The following DDC variants were observed in gnomAD, a reference collection of about 807,000 sequenced individuals.
DDC encodes the protein dopa decarboxylase.
Under a neutral mutation model 60.0 loss-of-function variants are expected in DDC, and 43 were observed. The ratio of observed to expected loss-of-function variants is 0.72; its 90% CI spans 0.56 to 0.92. DDC has a LOEUF of 0.92. Ranked by LOEUF, DDC falls within the 40% of genes least tolerant of loss-of-function variation. The probability of loss-of-function intolerance (pLI) is 0.00; values close to 1 mark genes in which losing one functional copy is unlikely to be tolerated. For missense variants in DDC, 573 were observed against 620.2 expected, an observed-to-expected ratio of 0.92 and a Z score of 0.81; for synonymous variants, 232 against 234.6, an observed-to-expected ratio of 0.99 and a Z score of 0.10.
At chr7:50,511,548 G>A (rs1212519264) in intron 6 of DDC, among the ~76,000 whole-genome samples, 2 of 152,038 alleles carry the variant, frequency 1.3e-5, no homozygotes, top group African/African-American at 4.8e-5. Context: ...CTAACACGGT[G>A]AAACCGTGTC....
chr7:50,480,953 C>A (rs4948196), intron 9 of DDC, among the ~76,000 whole-genome samples: 1 of 151,998 alleles, frequency 6.6e-6, no homozygotes, highest in East Asian at 1.9e-4. Context: ...CTGTGCTTTA[C>A]GGTAATTGCC....
intron 10 of DDC, among the ~76,000 whole-genome samples, chr7:50,478,586 C>T (rs2042700104): frequency 6.6e-6 from 1 of 152,186 alleles, no homozygotes; most frequent in African/African-American, 2.4e-5. Context: ...AATCTGCTTC[C>T]TTATGGACGA....
At chr7:50,496,380 C>T (rs11575410) in intron 8 of DDC, among the ~76,000 whole-genome samples, 9 of 152,206 alleles carry the variant, frequency 5.9e-5, no homozygotes, top group Middle Eastern at 3.4e-3. Flanking sequence ...TGAGCCACTG[C>T]ACCCCGACCA....
chr7:50,506,546 G>C (rs2043402470), intron 6 of DDC, among the ~76,000 whole-genome samples: 1 of 152,152 alleles, frequency 6.6e-6, no homozygotes, highest in Admixed American at 6.5e-5. Context: ...TCCTTTAAGA[G>C]CTCTAGGAAA....
chr7:50,472,390 C>A (rs140800073), intron 11 of DDC, among the ~76,000 whole-genome samples: 63 of 152,316 alleles, frequency 4.1e-4, no homozygotes, highest in African/African-American at 1.5e-3. Flanking sequence ...ATATTTGATG[C>A]TTCCCGGACA....
intron 13 of DDC, among the ~76,000 whole-genome samples, chr7:50,463,714 C>A (rs545126741): frequency 6.6e-6 from 1 of 152,208 alleles, no homozygotes; most frequent in East Asian, 1.9e-4. Context: ...AAATAAGGAT[C>A]CCTGGATATG....
chr7:50,529,117 G>T, intron 5 of DDC, 91 bp downstream of exon 5: 1 of 1,537,686 alleles, frequency 6.5e-7, no homozygotes. Flanking sequence ...TCTTAGATTT[G>T]GAAGGATGCT....
At chr7:50,561,997 C>T (rs2045351242) in intron 1 of DDC, among the ~76,000 whole-genome samples, 1 of 152,100 alleles carries the variant, frequency 6.6e-6, no homozygotes, top group South Asian at 2.1e-4. Context: ...ACACACATAC[C>T]TAAGTGCATG....
At chr7:50,480,743 G>A (rs570502562) in intron 9 of DDC, among the ~76,000 whole-genome samples, 1 of 152,192 alleles carries the variant, frequency 6.6e-6, no homozygotes, top group Non-Finnish European at 1.5e-5. Flanking sequence ...TCTTTCCAGG[G>A]ACAGCACAGT....
intron 10 of DDC, 94 bp downstream of exon 10, chr7:50,479,693 T>C (rs2042724318): frequency 1.9e-6 from 2 of 1,067,984 alleles, no homozygotes; most frequent in Admixed American, 1.7e-5. Context: ...TCCTTGGATA[T>C]GGATGGTCTT....
intron 1 of DDC, among the ~76,000 whole-genome samples, chr7:50,562,254 G>A (rs2045358413): frequency 6.6e-6 from 1 of 152,190 alleles, no homozygotes; most frequent in Non-Finnish European, 1.5e-5. Context: ...GGGGATCCTG[G>A]TCTCAGCCTG....
chr7:50,479,683 T>C, intron 10 of DDC, 104 bp downstream of exon 10: 1 of 996,522 alleles, frequency 1.0e-6, no homozygotes, highest in Non-Finnish European at 1.6e-6. Context: ...TGTGAAAGCC[T>C]CCTTGGATAT....
At chr7:50,489,153 C>T (rs189995380) in intron 9 of DDC, among the ~76,000 whole-genome samples, 5 of 152,204 alleles carry the variant, frequency 3.3e-5, no homozygotes, top group Admixed American at 1.3e-4. Flanking sequence ...ATTACAGACA[C>T]GTGCCACCAC....
intron 14 of DDC, among the ~76,000 whole-genome samples, chr7:50,460,235 G>A (rs532247315): frequency 6.8e-6 from 1 of 147,046 alleles, no homozygotes; most frequent in African/African-American, 2.6e-5. Context: ...GAGGGAGGTG[G>A]GGGGTCAGCC....
At chr7:50,499,761 T>C (rs779134301) in intron 7 of DDC, among the ~76,000 whole-genome samples, 1 of 152,220 alleles carries the variant, frequency 6.6e-6, no homozygotes, top group Admixed American at 6.5e-5. Context: ...GCTTTCTTCA[T>C]GAACAGGGTT....
intron 3 of DDC, among the ~76,000 whole-genome samples, chr7:50,538,956 C>A (rs938407449): frequency 2.0e-5 from 3 of 152,076 alleles, no homozygotes; most frequent in African/African-American, 7.2e-5. Flanking sequence ...GCTCTTCAGC[C>A]CTGCCTGTAG....
intron 1 of DDC, among the ~76,000 whole-genome samples, chr7:50,546,778 T>G (rs2044820239): frequency 6.6e-6 from 1 of 152,244 alleles, no homozygotes. Context: ...AGCTAGTGAG[T>G]GCTTGAGTGG....
chr7:50,478,301 T>C (rs1387047245), intron 10 of DDC, among the ~76,000 whole-genome samples: 1 of 152,164 alleles, frequency 6.6e-6, no homozygotes, highest in Non-Finnish European at 1.5e-5. Context: ...TACCGCACCA[T>C]CTGATACGGT....
At chr7:50,505,357 A>G (rs988931602) in intron 6 of DDC, among the ~76,000 whole-genome samples, 14 of 152,376 alleles carry the variant, frequency 9.2e-5, no homozygotes, top group African/African-American at 3.4e-4. Flanking sequence ...TATGGATGTC[A>G]TGCAGTCTAG....
Sources: allele counts gnomAD v4.1 joint callset (sites outside exome capture counted in the v4.1 genomes callset), GRCh38; gene constraint gnomAD v4.1.1; transcripts MANE v1.5; gene names NCBI Gene and HGNC (gene_info 2026-07-23, HGNC 2026-07-21).